ABCA12: variants seen among roughly 807,000 people sequenced by gnomAD.
The protein encoded by ABCA12 is glucosylceramide transporter ABCA12.
ABCA12 carries 156 observed loss-of-function variants against 293.5 expected under a neutral mutation model. That is an observed-to-expected ratio of 0.53 (90% CI 0.47 to 0.61). ABCA12 has a LOEUF of 0.61. ABCA12 is among the 20% of genes least tolerant of loss of function. The pLI, the probability that ABCA12 is intolerant of heterozygous loss-of-function variation, is 0.00. For synonymous variants in ABCA12, 1,063 were observed against 1,108.0 expected (o/e 0.96, Z 0.81); for missense variants, 2,797 against 3,090.2 (o/e 0.91, Z 2.25).
At chr2:214,951,651 G>C (rs528482358) in intron 44 of ABCA12, among the ~76,000 whole-genome samples, 67 of 152,300 alleles carry the variant, frequency 4.4e-4, no homozygotes, top group African/African-American at 1.1e-3. Context: ...CAGCTACTCA[G>C]AAGGCTGAGG....
At chr2:215,076,726 A>G (rs530604138) in intron 2 of ABCA12, among the ~76,000 whole-genome samples, 18 of 152,334 alleles carry the variant, frequency 1.2e-4, no homozygotes, top group Middle Eastern at 3.4e-3. Context: ...GTGTTCATCA[A>G]AAGACCACAG....
chr2:215,137,525 C>T (rs779915654), intron 1 of ABCA12, among the ~76,000 whole-genome samples: 1 of 152,116 alleles, frequency 6.6e-6, no homozygotes, highest in Non-Finnish European at 1.5e-5. Flanking sequence ...AAAGACGTTG[C>T]AATGAGCAAG....
At chr2:214,973,402 C>T (rs1252839077) in intron 36 of ABCA12, among the ~76,000 whole-genome samples, 1 of 152,122 alleles carries the variant, frequency 6.6e-6, no homozygotes, top group Non-Finnish European at 1.5e-5. Context: ...ATGTGGTTCT[C>T]GTACAAGTGT....
At chr2:215,081,549 A>G (rs1003162194) in intron 2 of ABCA12, among the ~76,000 whole-genome samples, 84 of 151,976 alleles carry the variant, frequency 5.5e-4, no homozygotes, top group African/African-American at 2.0e-3. Flanking sequence ...AAAGAAACAA[A>G]CAAAAAAATG....
intron 41 of ABCA12, 111 bp downstream of exon 41, chr2:214,958,166 T>G: frequency 7.0e-7 from 1 of 1,419,506 alleles, no homozygotes; most frequent in Non-Finnish European, 9.9e-7. Flanking sequence ...TTTCCTGTCT[T>G]TGTGATAACA....
intron 9 of ABCA12, among the ~76,000 whole-genome samples, chr2:215,031,536 A>G (rs1700877033): frequency 6.6e-6 from 1 of 152,198 alleles, no homozygotes; most frequent in South Asian, 2.1e-4. Context: ...GATCATCCTC[A>G]TAGGCATAAG....
chr2:215,116,658 A>T (rs183064450), intron 1 of ABCA12, among the ~76,000 whole-genome samples: 23 of 152,326 alleles, frequency 1.5e-4, no homozygotes, highest in African/African-American at 5.5e-4. Context: ...AAATAAATTG[A>T]AAGCTTAATG....
rs1036106693 is a variant in ABCA12 at position 215,004,293 on chromosome 2, G to C, written c.2599C>G (p.Leu867Val). The C allele has an allele frequency of 1.2e-6, 2 of 1,609,962 alleles. No individual in the cohort carries two copies. Among genetic ancestry groups the C allele is most frequent in the South Asian group, 1.1e-5 (1 of 90,932 alleles). ...NQAIPMLQNTLRNPFVQVFVK... is the reference protein window; with the variant it reads ...NQAIPMLQNTVRNPFVQVFVK... ...AAAACTTGCACAAAAGGGTTCCTTA[G>C]AGTATTCTAACAAATAATAATTAAA... The change falls in exon 20 of 53, where the codon CTA becomes GTA. Residue 867 changes from leucine to valine, a missense_variant. Leu to Val is a conservative substitution (Grantham distance 32, BLOSUM62 1). Around this residue, in one of 3 missense-constraint regions of ABCA12, gnomAD observed 2,130 missense variants for 2,427.0 expected, o/e 0.88. Coordinates refer to ENST00000272895, the MANE Select transcript of ABCA12 (RefSeq NM_173076.3).
intron 41 of ABCA12, among the ~76,000 whole-genome samples, chr2:214,957,980 A>G (rs1009725332): frequency 2.0e-5 from 3 of 152,092 alleles, no homozygotes; most frequent in African/African-American, 4.8e-5. Flanking sequence ...TTAAAAATGC[A>G]TGTTCTCCAC....
At chr2:215,095,141 T>G (rs1015683713) in intron 2 of ABCA12, among the ~76,000 whole-genome samples, 3 of 152,190 alleles carry the variant, frequency 2.0e-5, no homozygotes, top group African/African-American at 7.2e-5. Context: ...CTTGACTTAC[T>G]CATTGCTGAA....
intron 19 of ABCA12, 142 bp downstream of exon 19, chr2:215,007,585 T>C: frequency 9.3e-7 from 1 of 1,074,972 alleles, no homozygotes; most frequent in South Asian, 1.3e-5. Context: ...AGTTACCCTG[T>C]CTCAGACCTT....
intron 39 of ABCA12, chr2:214,960,257 T>C (rs2105939488): frequency 6.6e-6 from 1 of 152,270 alleles, no homozygotes; most frequent in East Asian, 1.9e-4. Flanking sequence ...GGATATACTT[T>C]TCTTATCTTT....
At chr2:215,050,047 T>C (rs1262806644) in intron 5 of ABCA12, among the ~76,000 whole-genome samples, 1 of 152,170 alleles carries the variant, frequency 6.6e-6, no homozygotes, top group East Asian at 1.9e-4. Context: ...TATATATGAA[T>C]TGTTTGACTG....
intron 50 of ABCA12, among the ~76,000 whole-genome samples, chr2:214,938,535 G>A (rs745677810): frequency 5.9e-5 from 9 of 152,130 alleles, no homozygotes; most frequent in African/African-American, 1.7e-4. Flanking sequence ...TTGAGGAATC[G>A]CCACACTGTC....
At chr2:215,026,747 C>T in intron 10 of ABCA12, 73 bp downstream of exon 10, 1 of 1,271,556 alleles carries the variant, frequency 7.9e-7, no homozygotes, top group Non-Finnish European at 1.2e-6. Context: ...TAAGCAAATG[C>T]CTCAAAAACT....
chr2:215,017,790 A>G lies in ABCA12; in HGVS notation c.1782+218T>C. Reference sequence around the variant, plus strand: ...GAACAAATGGGGCATGGGAAAGGACAAGGAAAAATAAAGAGAAAAGGGACA... The same window carrying G: ...GAACAAATGGGGCATGGGAAAGGACGAGGAAAAATAAAGAGAAAAGGGACA... On this transcript the variant is annotated intron_variant, in intron 14 of 52. Coordinates refer to ENST00000272895, the MANE Select transcript of ABCA12 (RefSeq NM_173076.3). 2 of 577,978 alleles carry G rather than the reference A, an allele frequency of 3.5e-6. 1 individual carries two copies. Among genetic ancestry groups the G allele is most frequent in the Non-Finnish European group, 6.0e-6 (2 of 335,258 alleles). The allele number at this position is 577,978 out of a possible 1,614,324, so 35.8% of individuals were successfully genotyped here.
chr2:215,128,427 AC>A (rs1400588755), intron 1 of ABCA12, among the ~76,000 whole-genome samples: 2 of 152,196 alleles, frequency 1.3e-5, no homozygotes, highest in African/African-American at 4.8e-5. Context: ...TTCCTTAGGA[AC>A]ACCAATTATT....
rs868431979 is a variant in ABCA12, at chr2:214,985,705, T to C, written c.4163+837A>G. Among the ~76,000 whole-genome samples, 5 of 152,292 alleles carry C rather than the reference T, an allele frequency of 3.3e-5. No individual in the cohort carries two copies. In the Middle Eastern group the frequency reaches 0.017, roughly 518 times the overall value. ...CCTTTTATTTACAAAAAAAAATTAATTCCAGTGTTTTTGCAGTCACTGAGC... is the reference window on the plus strand; with the variant it reads ...CCTTTTATTTACAAAAAAAAATTAACTCCAGTGTTTTTGCAGTCACTGAGC... On this transcript the variant is annotated intron_variant, in intron 28 of 52. Coordinates refer to ENST00000272895, the MANE Select transcript of ABCA12 (RefSeq NM_173076.3).
intron 50 of ABCA12, among the ~76,000 whole-genome samples, chr2:214,940,873 G>A (rs1158791980): frequency 6.6e-6 from 1 of 151,804 alleles, no homozygotes; most frequent in Admixed American, 6.6e-5. Flanking sequence ...TTCTTTATTA[G>A]TCTGGCTAGT....
Sources: allele counts gnomAD v4.1 joint callset (sites outside exome capture counted in the v4.1 genomes callset), GRCh38; gene constraint gnomAD v4.1.1; regional missense constraint gnomAD v4.1.1; transcripts MANE v1.5; gene names NCBI Gene and HGNC (gene_info 2026-07-23, HGNC 2026-07-21).